The following SLC35F1 variants were observed in gnomAD, a reference collection of about 807,000 sequenced individuals.
SLC35F1 encodes solute carrier family 35 member F1, also known as chromosome 6 open reading frame 169.
A neutral mutation model predicts 48.7 loss-of-function variants in SLC35F1; 14 were observed. The ratio of observed to expected loss-of-function variants is 0.29; its 90% confidence interval spans 0.19 to 0.45. The LOEUF is 0.45. Ranked by LOEUF, SLC35F1 falls within the 20% of genes least tolerant of loss-of-function variation. The pLI, the probability that SLC35F1 is intolerant of heterozygous loss-of-function variation, is 1.00. For missense variants in SLC35F1, 404 were observed against 500.0 expected (o/e 0.81, Z 1.83); for synonymous variants, 190 against 202.2 (o/e 0.94, Z 0.51).
At chr6:118,200,714 A>T (rs1185970058) in intron 2 of SLC35F1, among the ~76,000 whole-genome samples, 1 of 152,130 alleles carries the variant, frequency 6.6e-6, no homozygotes, top group Non-Finnish European at 1.5e-5. Context: ...GTTTTGCCTT[A>T]GAATTAGAGG....
chr6:117,999,310 TG>T (rs1777050691), intron 1 of SLC35F1: 1 of 1,595,930 alleles, frequency 6.3e-7, no homozygotes, highest in African/African-American at 1.3e-5. Context: ...TTGCCCGTAT[TG>T]CCAAGGGGCT....
intron 1 of SLC35F1, among the ~76,000 whole-genome samples, chr6:117,983,697 C>T (rs567499617): frequency 7.0e-4 from 107 of 152,080 alleles, no homozygotes; most frequent in Non-Finnish European, 2.8e-4. Context: ...ACCTCACTGG[C>T]GAAATAGAAA....
intron 7 of SLC35F1, among the ~76,000 whole-genome samples, chr6:118,300,354 T>C (rs1390993841): frequency 1.3e-5 from 2 of 152,212 alleles, no homozygotes; most frequent in African/African-American, 4.8e-5. Flanking sequence ...CAAATTTTGG[T>C]ATCCAAGGAA....
At chr6:118,174,141 T>G (rs1307464533) in intron 2 of SLC35F1, among the ~76,000 whole-genome samples, 1 of 152,186 alleles carries the variant, frequency 6.6e-6, no homozygotes, top group East Asian at 1.9e-4. Context: ...TCTACTGTTT[T>G]TTTATACAAA....
intron 1 of SLC35F1, among the ~76,000 whole-genome samples, chr6:118,087,668 T>C (rs913292112): frequency 2.6e-5 from 4 of 152,180 alleles, no homozygotes; most frequent in African/African-American, 2.4e-5. Flanking sequence ...AGTGCATGCC[T>C]TCCATGTCTT....
intron 1 of SLC35F1, among the ~76,000 whole-genome samples, chr6:118,135,803 TCTC>T (rs1278686581): frequency 2.0e-5 from 3 of 152,204 alleles, no homozygotes; most frequent in Non-Finnish European, 4.4e-5. Flanking sequence ...CCTCACCAGT[TCTC>T]CTCCAGATAT....
intron 1 of SLC35F1, among the ~76,000 whole-genome samples, chr6:118,147,993 T>C (rs1318044652): frequency 1.3e-5 from 2 of 152,284 alleles, no homozygotes; most frequent in East Asian, 1.9e-4. Flanking sequence ...GATAAAAACC[T>C]TTCAGCAAAG....
At chr6:118,216,453 C>T (rs1465937757) in intron 2 of SLC35F1, among the ~76,000 whole-genome samples, 2 of 100,826 alleles carry the variant, frequency 2.0e-5, no homozygotes, top group Non-Finnish European at 3.9e-5. Flanking sequence ...CTTCTTCCCC[C>T]TACCCCCACT....
chr6:118,273,002 G>C (rs1277932061), intron 4 of SLC35F1, among the ~76,000 whole-genome samples: 1 of 151,386 alleles, frequency 6.6e-6, no homozygotes, highest in Non-Finnish European at 1.5e-5. Context: ...TATGTTATAT[G>C]TATAGGTACC....
intron 1 of SLC35F1, among the ~76,000 whole-genome samples, chr6:118,146,023 T>C (rs1040997518): frequency 6.6e-6 from 1 of 152,130 alleles, no homozygotes; most frequent in African/African-American, 2.4e-5. Flanking sequence ...TGCTGAAGAT[T>C]TGAGGAAGCA....
intron 2 of SLC35F1, among the ~76,000 whole-genome samples, chr6:118,191,103 A>T (rs1774727161): frequency 6.6e-6 from 1 of 152,172 alleles, no homozygotes; most frequent in South Asian, 2.1e-4. Flanking sequence ...CTTCTAGAAG[A>T]GTAAAGGCCT....
chr6:118,007,838 G>T (rs139649209), intron 1 of SLC35F1, among the ~76,000 whole-genome samples: 1 of 152,178 alleles, frequency 6.6e-6, no homozygotes, highest in Non-Finnish European at 1.5e-5. Context: ...TTTAGGTTGA[G>T]CTGCAGTTCT....
chr6:118,212,032 C>A (rs1775006639), intron 2 of SLC35F1, among the ~76,000 whole-genome samples: 1 of 152,150 alleles, frequency 6.6e-6, no homozygotes, highest in South Asian at 2.1e-4. Flanking sequence ...TTCTTATTTC[C>A]TCAGGTAAAT....
chr6:118,048,528 A>T (rs189779610), intron 1 of SLC35F1, among the ~76,000 whole-genome samples: 1 of 152,304 alleles, frequency 6.6e-6, no homozygotes, highest in East Asian at 1.9e-4. Context: ...TAGGATACAA[A>T]ATCAATGTAC....
At chr6:118,119,648 GGCCCACCACCAT>G (rs1266319991) in intron 1 of SLC35F1, among the ~76,000 whole-genome samples, 1 of 151,522 alleles carries the variant, frequency 6.6e-6, no homozygotes, top group Non-Finnish European at 1.5e-5. Flanking sequence ...GGATTACAGG[GGCCCACCACCAT>G]GCCCAGCTAA....
chr6:118,120,990 G>A (rs1379487021), intron 1 of SLC35F1, among the ~76,000 whole-genome samples: 11 of 152,058 alleles, frequency 7.2e-5, no homozygotes, highest in Non-Finnish European at 1.2e-4. Flanking sequence ...AGTCCTATCA[G>A]AAATATATAT....
intron 2 of SLC35F1, among the ~76,000 whole-genome samples, chr6:118,182,326 T>A (rs75258019): frequency 2.1e-4 from 31 of 144,280 alleles, no homozygotes; most frequent in Admixed American, 7.7e-4. Flanking sequence ...AAAAGAAAAA[T>A]TTTTTTTTTT....
chr6:118,116,179 T>C (rs1302035984), intron 1 of SLC35F1, among the ~76,000 whole-genome samples: 1 of 152,062 alleles, frequency 6.6e-6, no homozygotes, highest in Non-Finnish European at 1.5e-5. Context: ...GTAGTATAGG[T>C]AAGAGGTATG....
At chr6:118,118,879 C>G in intron 1 of SLC35F1, among the ~76,000 whole-genome samples, 1 of 151,598 alleles carries the variant, frequency 6.6e-6, no homozygotes. Context: ...ATGCAAACCT[C>G]TGAGATGAAA....
Sources: gnomAD v4.1 joint callset for allele counts (sites outside exome capture counted in the v4.1 genomes callset) on GRCh38, gnomAD v4.1.1 for gene constraint, MANE v1.5 for transcripts, NCBI Gene and HGNC (gene_info 2026-07-23, HGNC 2026-07-21) for gene names.